Variants in ELAC2 observed in about 807,000 individuals in gnomAD.
ELAC2 encodes zinc phosphodiesterase ELAC protein 2.
ELAC2 carries 92 observed loss-of-function variants against 105.2 expected under a neutral mutation model. The observed-to-expected ratio is 0.87, with a 90% CI of 0.74 to 1.04. The LOEUF (loss-of-function observed/expected upper bound fraction) is 1.04. ELAC2 is among the 50% of genes least tolerant of loss of function. ELAC2 has a pLI of 0.00. For missense variants in ELAC2, 1,099 were observed against 1,071.7 expected (o/e 1.03, Z -0.36); for synonymous variants, 468 against 409.1 (o/e 1.14, Z -1.74).
rs1221470142 is a variant in ELAC2 at position 12,994,586 on chromosome 17, C to A, written c.2030-83G>T. ...TCAGTCACGTGCTGTTTCCTGGTCTCAACACTCAGCTCCCCTGGCCCTGGG... is the reference window on the plus strand; with the variant it reads ...TCAGTCACGTGCTGTTTCCTGGTCTAAACACTCAGCTCCCCTGGCCCTGGG... On this transcript the variant is annotated intron_variant, in intron 21 of 23. Coordinates refer to ENST00000338034, the MANE Select transcript of ELAC2 (RefSeq NM_018127.7). 4 of 1,597,012 alleles carry A rather than the reference C, an allele frequency of 2.5e-6. No homozygotes were observed. The East Asian group carries it at 8.9e-5, about 36-fold the overall frequency.
In ELAC2 at chr17:12,992,265, T is replaced by TGA. The variant is rs2040221189; in HGVS notation, c.*551_*552dup. The TGA allele has an allele frequency of 4.1e-6, 1 of 241,190 alleles. No homozygotes were observed. The highest frequency in any genetic ancestry group is 1.5e-4 in the South Asian group (1 of 6,550). 14.9% of individuals were successfully genotyped at this position (241,190 alleles called of 1,614,324 possible). A position where few individuals can be genotyped will look rare whatever the true frequency, so the allele number is the denominator to read the frequency against. ...CAGAGGTGCTCACTACGACGGGAGC[T>TGA]GACTTCTTCCAAGCCACCCGGGTAC... On this transcript the variant is annotated 3_prime_UTR_variant, in exon 24 of 24. Transcript: ENST00000338034.
chr17:12,994,326 G>T, intron 22 of ELAC2, 99 bp downstream of exon 22: 2 of 1,352,576 alleles, frequency 1.5e-6, no homozygotes, highest in Non-Finnish European at 2.1e-6. Context: ...TAGGAAGCAG[G>T]GCAGCCCCAC....
At chr17:13,001,893 A>T (rs1248146582) in intron 14 of ELAC2, among the ~76,000 whole-genome samples, 1 of 152,248 alleles carries the variant, frequency 6.6e-6, no homozygotes, top group African/African-American at 2.4e-5. Context: ...AATGTTATCA[A>T]TCATTATCTC....
chr17:12,999,606 A>T (rs1262243778), intron 15 of ELAC2, among the ~76,000 whole-genome samples: 1 of 152,192 alleles, frequency 6.6e-6, no homozygotes, highest in Middle Eastern at 3.2e-3. Flanking sequence ...CCTTGCCAAG[A>T]ATGCCTGGGT....
intron 14 of ELAC2, 93 bp from the exon 15 acceptor site, chr17:13,000,367 C>A: frequency 1.7e-6 from 2 of 1,182,984 alleles, no homozygotes; most frequent in Non-Finnish European, 2.5e-6. Context: ...TTCAGGGGGA[C>A]AATCTGCAGG....
chr17:13,010,500 C>G, intron 8 of ELAC2, 113 bp downstream of exon 8: 1 of 975,908 alleles, frequency 1.0e-6, no homozygotes, highest in South Asian at 1.3e-5. Flanking sequence ...TCTGCTATCT[C>G]TTCTTGTCTC....
intron 14 of ELAC2, among the ~76,000 whole-genome samples, chr17:13,001,095 C>T (rs1442439647): frequency 1.3e-5 from 2 of 152,168 alleles, no homozygotes; most frequent in African/African-American, 2.4e-5. Context: ...CCCCAACTAC[C>T]CAACCTCAAC....
chr17:13,010,522 G>A (rs556936463), intron 8 of ELAC2, 91 bp downstream of exon 8: 8 of 1,178,208 alleles, frequency 6.8e-6, no homozygotes, highest in African/African-American at 1.5e-5. Flanking sequence ...GGTAACAGGA[G>A]TGCCTACCCT....
rs746742839 is a variant in ELAC2 at position 13,017,141 on chromosome 17, C to G, written c.246-20G>C. The G allele has an allele frequency of 1.2e-6, 2 of 1,609,422 alleles. No homozygotes were observed. The highest frequency in any genetic ancestry group is 2.7e-5 in the African/African-American group (2 of 74,422). Reference sequence around the variant, plus strand: ...AGATACCTACAAGACAAACATTACACAAGACATTCAGAAGGTTTTATTCTG... The same window carrying G: ...AGATACCTACAAGACAAACATTACAGAAGACATTCAGAAGGTTTTATTCTG... On this transcript the variant is annotated intron_variant, in intron 1 of 23. Transcript: ENST00000338034.
Position 13,014,528 on chromosome 17 carries a change from G to A in ELAC2, c.433-32C>T, listed in dbSNP as rs370275671. 17 of 1,533,958 alleles carry A rather than the reference G, an allele frequency of 1.1e-5. No individual in the cohort carries two copies. In the African/African-American group the frequency reaches 1.5e-4, roughly 14 times the overall value. ...AAAAACAAAGAAATGAGCAGTTATG[G>A]TTGAACAAATGTAGAACACAGCAAC... On this transcript the variant is annotated intron_variant, in intron 4 of 23. Transcript: ENST00000338034.
At chr17:13,006,067 A>AT (rs1389476206) in intron 8 of ELAC2, 88 bp from the exon 9 acceptor site, 18 of 1,368,026 alleles carry the variant, frequency 1.3e-5, no homozygotes, top group Non-Finnish European at 1.7e-5. Flanking sequence ...ATTTTTCTAG[A>AT]TTAAAAAAAA....
rs532583256 is a variant in ELAC2, at chr17:12,999,579, G to A, written c.1423+577C>T. Among the ~76,000 whole-genome samples the A allele has an allele frequency of 2.6e-5, 4 of 152,310 alleles. No homozygotes were observed. In the South Asian group the frequency reaches 8.3e-4, roughly 32 times the overall value. On this transcript the variant is annotated intron_variant, in intron 15 of 23. Coordinates refer to ENST00000338034, the MANE Select transcript of ELAC2 (RefSeq NM_018127.7). ...TCTTTCCACAGGTGTTCACTAAAAC[G>A]TTTCACTCAGTGCGTGCCTTGCCAA...
intron 8 of ELAC2, among the ~76,000 whole-genome samples, chr17:13,008,501 ACT>A (rs1011611575): frequency 4.6e-5 from 7 of 150,614 alleles, no homozygotes; most frequent in African/African-American, 1.5e-4. Flanking sequence ...ACAGAGCGAG[ACT>A]CTGTCTCAAA....
chr17:13,006,104 C>T lies in ELAC2; in HGVS notation c.739-125G>A. On this transcript the variant is annotated intron_variant, in intron 8 of 23. Coordinates refer to ENST00000338034, the MANE Select transcript of ELAC2 (RefSeq NM_018127.7). Reference sequence around the variant, plus strand: ...TAATAATGTTGGCCAGGCACGGTGGCTCACGCCTGTAATTCCAGTACTTTC... The same window carrying T: ...TAATAATGTTGGCCAGGCACGGTGGTTCACGCCTGTAATTCCAGTACTTTC... 1.6e-5 allele frequency: 16 copies of T among 988,282 alleles called. No individual in the cohort carries two copies. In the South Asian group the frequency reaches 2.0e-4, roughly 12 times the overall value. The allele number at this position is 988,282 out of a possible 1,614,324, so 61.2% of individuals were successfully genotyped here.
intron 19 of ELAC2, among the ~76,000 whole-genome samples, chr17:12,995,283 C>G (rs2040414032): frequency 6.6e-6 from 1 of 152,190 alleles, no homozygotes; most frequent in African/African-American, 2.4e-5. Context: ...GCCTCCGGCT[C>G]AGGCAGCACG....
In ELAC2 at chr17:13,011,791, TACAGA is replaced by T. The variant is rs768957005; in HGVS notation, c.560-14_560-10del. On this transcript the variant is annotated splice_polypyrimidine_tract_variant and intron_variant, in intron 6 of 23. Coordinates refer to ENST00000338034, the MANE Select transcript of ELAC2 (RefSeq NM_018127.7). The stretch of plus-strand genomic sequence containing the variant: ...TCCCCTCCTCTGTTCACCTGGTCAG[TACAGA>T]TACCACCAAATTACACACTGCACAA... The T allele has an allele frequency of 6.2e-7, 1 of 1,614,130 alleles. No individual in the cohort carries two copies. Among genetic ancestry groups the T allele is most frequent in the African/African-American group, 1.3e-5 (1 of 75,014 alleles).
At chr17:13,013,302 G>A in intron 5 of ELAC2, 27 bp from the exon 6 acceptor site, 3 of 1,612,808 alleles carry the variant, frequency 1.9e-6, no homozygotes, top group Non-Finnish European at 1.7e-6. Flanking sequence ...CAACAGCAAA[G>A]TGATTGCATT....
At chr17:12,993,584 C>T in intron 23 of ELAC2, 103 bp downstream of exon 23, 1 of 1,557,868 alleles carries the variant, frequency 6.4e-7, no homozygotes, top group Non-Finnish European at 8.8e-7. Flanking sequence ...CCCACGGTGG[C>T]CCCAAATAAG....
At chr17:12,999,206 A>C (rs2143584027) in intron 15 of ELAC2, among the ~76,000 whole-genome samples, 1 of 152,358 alleles carries the variant, frequency 6.6e-6, no homozygotes, top group South Asian at 2.1e-4. Context: ...ATTCTTTTAC[A>C]TTTAAAAAAT....
Sources: gnomAD v4.1 joint callset for allele counts (sites outside exome capture counted in the v4.1 genomes callset) on GRCh38, gnomAD v4.1.1 for gene constraint, MANE v1.5 for transcripts, NCBI Gene and HGNC (gene_info 2026-07-23, HGNC 2026-07-21) for gene names.